SPOCK1: variants seen among roughly 807,000 people sequenced by gnomAD.
SPOCK1 encodes the protein testican-1.
A neutral mutation model predicts 55.3 loss-of-function variants in SPOCK1; 23 were observed. That is an observed-to-expected ratio of 0.42 (90% confidence interval 0.30 to 0.59). The LOEUF is 0.59. SPOCK1 is among the 20% of genes least tolerant of loss of function. The probability of loss-of-function intolerance (pLI) is 0.22; values close to 1 mark genes in which losing one functional copy is unlikely to be tolerated. For synonymous variants in SPOCK1, 226 were observed against 221.0 expected (o/e 1.02, Z -0.20); for missense variants, 499 against 552.5 (o/e 0.90, Z 0.97).
chr5:137,145,514 G>A (rs560299210), intron 3 of SPOCK1, among the ~76,000 whole-genome samples: 1 of 152,342 alleles, frequency 6.6e-6, no homozygotes, highest in East Asian at 1.9e-4. Context: ...CAGATGAGAA[G>A]AAGGTTCCAT....
chr5:137,450,028 A>G (rs1262436724), intron 2 of SPOCK1, among the ~76,000 whole-genome samples: 1 of 152,170 alleles, frequency 6.6e-6, no homozygotes, highest in African/African-American at 2.4e-5. Context: ...ACTCTATAGA[A>G]GAGTGTGTCC....
intron 2 of SPOCK1, among the ~76,000 whole-genome samples, chr5:137,330,387 G>T (rs1027001510): frequency 6.6e-6 from 1 of 152,118 alleles, no homozygotes; most frequent in African/African-American, 2.4e-5. Flanking sequence ...TTAGGATAAG[G>T]CCAGTTTAAT....
At chr5:137,124,543 G>T (rs1318434581) in intron 4 of SPOCK1, among the ~76,000 whole-genome samples, 3 of 152,182 alleles carry the variant, frequency 2.0e-5, no homozygotes, top group African/African-American at 4.8e-5. Context: ...CAGTCCTTAA[G>T]GATAAACCTA....
Position 137,302,707 on chromosome 5 carries a change from C to T in SPOCK1, c.187-35652G>A, listed in dbSNP as rs560030107. On this transcript the variant is annotated intron_variant, in intron 2 of 10. Coordinates refer to ENST00000394945, the MANE Select transcript of SPOCK1 (RefSeq NM_004598.4). ...ATAAACATATATACACATACATATA[C>T]GTTATAAATAATTTCAGGAGTAAGG... Among the ~76,000 whole-genome samples the T allele has an allele frequency of 7.2e-5, 11 of 152,170 alleles. No homozygotes were observed. In the South Asian group the frequency reaches 1.0e-3, roughly 14 times the overall value.
intron 2 of SPOCK1, among the ~76,000 whole-genome samples, chr5:137,471,039 G>A (rs538903615): frequency 2.0e-5 from 3 of 152,264 alleles, no homozygotes; most frequent in Non-Finnish European, 4.4e-5. Context: ...ATGAGTTAAC[G>A]GTGCAAAGTG....
intron 6 of SPOCK1, among the ~76,000 whole-genome samples, chr5:137,053,402 G>A (rs539933981): frequency 2.6e-5 from 4 of 152,072 alleles, no homozygotes; most frequent in Non-Finnish European, 5.9e-5. Context: ...ATACCAAGTT[G>A]CCATTGTTCC....
At chr5:137,360,337 T>C (rs1238370900) in intron 2 of SPOCK1, among the ~76,000 whole-genome samples, 2 of 152,254 alleles carry the variant, frequency 1.3e-5, no homozygotes, top group Non-Finnish European at 2.9e-5. Context: ...CACACAGTCT[T>C]GTCCACATTA....
At chr5:137,349,513 T>C (rs1750630633) in intron 2 of SPOCK1, among the ~76,000 whole-genome samples, 1 of 152,196 alleles carries the variant, frequency 6.6e-6, no homozygotes, top group East Asian at 1.9e-4. Flanking sequence ...CTTTGTTTCC[T>C]AGAGTAGTCA....
At chr5:137,024,316 G>GCGGGT (rs72180461) in intron 6 of SPOCK1, among the ~76,000 whole-genome samples, 1 of 139,954 alleles carries the variant, frequency 7.1e-6, no homozygotes, top group Non-Finnish European at 1.5e-5. Context: ...CAGTTTGAAG[G>GCGGGT]GGGGGGGGTA....
intron 2 of SPOCK1, among the ~76,000 whole-genome samples, chr5:137,405,951 G>A (rs1208635556): frequency 6.6e-6 from 1 of 152,154 alleles, no homozygotes; most frequent in African/African-American, 2.4e-5. Flanking sequence ...CGAACTGAGG[G>A]GAAAGAGAAA....
In SPOCK1 at chr5:137,198,931, C is replaced by T. The variant is rs1048146765; in HGVS notation, c.233-58237G>A. Among the ~76,000 whole-genome samples the T allele has an allele frequency of 3.3e-5, 5 of 152,176 alleles. 1 individual carries two copies. Among genetic ancestry groups the T allele is most frequent in the Admixed American group, 3.3e-4 (5 of 15,282 alleles). ...ATGGAATGCTACGTTAAAGCATTTG[C>T]AAAATCTACCTTAAAGTATCTGCAA... is the stretch of plus-strand genomic sequence containing the variant. On this transcript the variant is annotated intron_variant, in intron 3 of 10. Coordinates refer to ENST00000394945, the MANE Select transcript of SPOCK1 (RefSeq NM_004598.4).
At chr5:137,418,513 G>A (rs1752401265) in intron 2 of SPOCK1, among the ~76,000 whole-genome samples, 2 of 152,038 alleles carry the variant, frequency 1.3e-5, no homozygotes, top group South Asian at 4.1e-4. Context: ...GGTGTGAGAT[G>A]GTATCTCATT....
intron 2 of SPOCK1, among the ~76,000 whole-genome samples, chr5:137,458,256 T>C (rs1483314455): frequency 6.6e-6 from 1 of 152,214 alleles, no homozygotes; most frequent in African/African-American, 2.4e-5. Flanking sequence ...TCACAAGCTT[T>C]GCTCATCATT....
At chr5:137,233,346 T>C (rs1012333296) in intron 3 of SPOCK1, among the ~76,000 whole-genome samples, 1 of 152,180 alleles carries the variant, frequency 6.6e-6, no homozygotes, top group Non-Finnish European at 1.5e-5. Flanking sequence ...TCATCAGGCA[T>C]TAGATTCTCA....
intron 3 of SPOCK1, among the ~76,000 whole-genome samples, chr5:137,207,363 A>G (rs1755537499): frequency 6.6e-6 from 1 of 152,230 alleles, no homozygotes; most frequent in South Asian, 2.1e-4. Context: ...CATTCTCTTG[A>G]TTTAGTATTA....
chr5:137,290,016 C>T (rs965311133), intron 2 of SPOCK1, among the ~76,000 whole-genome samples: 5 of 152,130 alleles, frequency 3.3e-5, no homozygotes, highest in Non-Finnish European at 7.3e-5. Flanking sequence ...CATTAAAGTG[C>T]TACAGCTGCT....
At chr5:137,484,440 C>T (rs1029481262) in intron 2 of SPOCK1, among the ~76,000 whole-genome samples, 5 of 152,212 alleles carry the variant, frequency 3.3e-5, no homozygotes, top group African/African-American at 7.2e-5. Flanking sequence ...TCCTCCCAAT[C>T]GGGACTCTGA....
intron 2 of SPOCK1, among the ~76,000 whole-genome samples, chr5:137,433,637 G>A (rs967659105): frequency 1.3e-5 from 2 of 152,128 alleles, no homozygotes; most frequent in Non-Finnish European, 2.9e-5. Flanking sequence ...CATCTCAGAA[G>A]GCCTTTGGTT....
intron 2 of SPOCK1, among the ~76,000 whole-genome samples, chr5:137,367,031 G>T (rs1167636300): frequency 6.6e-6 from 1 of 152,254 alleles, no homozygotes; most frequent in African/African-American, 2.4e-5. Context: ...AAATGGCAGT[G>T]ATTCCAGTGT....
Sources: allele counts gnomAD v4.1 joint callset (sites outside exome capture counted in the v4.1 genomes callset), GRCh38; gene constraint gnomAD v4.1.1; transcripts MANE v1.5; gene names NCBI Gene and HGNC (gene_info 2026-07-23, HGNC 2026-07-21).